CCDC150: variants seen among roughly 807,000 people sequenced by gnomAD.
The protein encoded by CCDC150 is coiled-coil domain-containing protein 150.
A neutral mutation model predicts 156.5 loss-of-function variants in CCDC150; 151 were observed. That is an observed-to-expected ratio of 0.97 (90% confidence interval 0.85 to 1.10). The LOEUF (loss-of-function observed/expected upper bound fraction) is 1.10, where lower values mean the gene tolerates loss of function less well. Among genes scored for constraint, CCDC150 ranks in the 50% least tolerant of loss-of-function variants. The pLI is 0.00. For synonymous variants in CCDC150, 452 were observed against 429.4 expected (o/e 1.05, Z -0.65); for missense variants, 1,312 against 1,268.1 (o/e 1.03, Z -0.53).
At chr2:196,679,237 A>G (rs1425689060) in intron 13 of CCDC150, among the ~76,000 whole-genome samples, 4 of 152,180 alleles carry the variant, frequency 2.6e-5, no homozygotes, top group Non-Finnish European at 5.9e-5. Context: ...GACACATAAA[A>G]TCATGTAACC....
intron 15 of CCDC150, among the ~76,000 whole-genome samples, chr2:196,711,593 A>G (rs1481651229): frequency 6.6e-6 from 1 of 152,194 alleles, no homozygotes. Context: ...CTTTGAAGAG[A>G]GACTTGTGAG....
chr2:196,723,138 C>T (rs946966580), intron 21 of CCDC150, among the ~76,000 whole-genome samples: 9 of 152,204 alleles, frequency 5.9e-5, no homozygotes, highest in Non-Finnish European at 8.8e-5. Flanking sequence ...GGTACAGTTA[C>T]TTAATTTAGA....
chr2:196,696,549 G>T (rs1695842966), intron 14 of CCDC150, among the ~76,000 whole-genome samples: 2 of 152,132 alleles, frequency 1.3e-5, no homozygotes, highest in African/African-American at 4.8e-5. Context: ...CCAGTGATTT[G>T]GTCAGTGTTG....
chr2:196,669,275 T>TC (rs1226486535), intron 7 of CCDC150, among the ~76,000 whole-genome samples: 1 of 152,188 alleles, frequency 6.6e-6, no homozygotes, highest in Non-Finnish European at 1.5e-5. Context: ...CGAAACCTGC[T>TC]CCATGCTGTG....
intron 2 of CCDC150, among the ~76,000 whole-genome samples, chr2:196,646,812 AT>A (rs1274218469): frequency 1.0e-5 from 1 of 96,408 alleles, no homozygotes; most frequent in Non-Finnish European, 2.4e-5. Context: ...ATTTGTTCTC[AT>A]TTTAAAATAA....
intron 14 of CCDC150, among the ~76,000 whole-genome samples, chr2:196,696,321 T>C (rs1198607931): frequency 6.6e-6 from 1 of 152,156 alleles, no homozygotes; most frequent in Non-Finnish European, 1.5e-5. Flanking sequence ...TAAGTGCCTA[T>C]TGGAATGACA....
rs1377078633 is a variant in CCDC150 at position 196,677,229 on chromosome 2, A to T, written c.1441-64A>T. The T allele has an allele frequency of 5.0e-6, 5 of 999,610 alleles. No individual in the cohort carries two copies. The African/African-American group carries it at 8.0e-5, about 16-fold the overall frequency. The allele number at this position is 999,610 out of a possible 1,614,324, so 61.9% of individuals were successfully genotyped here. A position where few individuals can be genotyped will look rare whatever the true frequency, so the allele number is the denominator to read the frequency against. On this transcript the variant is annotated intron_variant, in intron 12 of 27. Transcript: ENST00000389175. ...TTGACATGCAGGATATGTGTGCTAT[A>T]GTGGAGCCTGTCAGCTGCTATAAAA...
At position 196,712,724 on chromosome 2, in the gene CCDC150, T is replaced by C. The variant is rs80183667; in HGVS notation, c.1851T>C (p.Asp617=). 0.015 allele frequency: 24,423 copies of C among 1,610,520 alleles called. 245 individuals carry two copies. Among genetic ancestry groups the C allele is most frequent in the Middle Eastern group, 0.039 (234 of 6,062 alleles). The change falls in exon 17 of 28, where the codon GAT becomes GAC. Residue 617 remains aspartate (D), a synonymous_variant. Transcript: ENST00000389175. ...SAKRVHLQQA[D]AHLKEVKSIL... is the part of the protein sequence containing the mutation. ...AGAGGGTACACCTGCAGCAGGCAGA[T>C]GCTCACCTGAAAGAAGTATTGGTAA...
intron 26 of CCDC150, among the ~76,000 whole-genome samples, chr2:196,731,528 A>G (rs1225953856): frequency 6.6e-6 from 1 of 151,132 alleles, no homozygotes; most frequent in East Asian, 2.0e-4. Flanking sequence ...GTAGCCAAGT[A>G]GCTGGGCATG....
At chr2:196,671,430 T>TG (rs1334047206) in intron 8 of CCDC150, among the ~76,000 whole-genome samples, 1 of 142,322 alleles carries the variant, frequency 7.0e-6, no homozygotes, top group Non-Finnish European at 1.5e-5. Context: ...TCTCTCTCTT[T>TG]TTTTTTTTTT....
intron 13 of CCDC150, among the ~76,000 whole-genome samples, chr2:196,692,441 A>G (rs1695547976): frequency 6.6e-6 from 1 of 152,086 alleles, no homozygotes; most frequent in Admixed American, 6.6e-5. Flanking sequence ...GCCGAGATCT[A>G]ATTTTTTGAT....
chr2:196,692,976 T>C (rs1326001824), intron 13 of CCDC150, among the ~76,000 whole-genome samples: 1 of 152,224 alleles, frequency 6.6e-6, no homozygotes, highest in Non-Finnish European at 1.5e-5. Flanking sequence ...TCTAAGAACT[T>C]GCTTTGTGAA....
intron 13 of CCDC150, among the ~76,000 whole-genome samples, chr2:196,691,811 T>C (rs1156379870): frequency 6.6e-6 from 1 of 152,168 alleles, no homozygotes; most frequent in East Asian, 1.9e-4. Flanking sequence ...CGTGGTGGCA[T>C]GGGCCTGTAG....
intron 13 of CCDC150, among the ~76,000 whole-genome samples, chr2:196,685,097 G>GT (rs1381494685): frequency 2.7e-5 from 4 of 150,678 alleles, no homozygotes; most frequent in Non-Finnish European, 5.9e-5. Flanking sequence ...TTTTTGTTTC[G>GT]TTTTTTGCTT....
chr2:196,712,252 G>T lies in CCDC150; in HGVS notation c.1803G>T (p.Gln601His). Reference sequence around the variant, plus strand: ...AGTATTTACAGACTAAATATGCTCAGGTGTGATTAATATCTACAAAAGCGG... The same window carrying T: ...AGTATTTACAGACTAAATATGCTCATGTGTGATTAATATCTACAAAAGCGG... ...MNKYLQTKYA[Q>H]ANSELSAKRV... is the part of the protein sequence containing the mutation. The change falls in exon 16 of 28, where the codon CAG (glutamine) becomes CAT (histidine). Residue 601 changes from glutamine (Q) to histidine (H), a missense_variant and splice_region_variant. By Grantham distance (24) the Gln-to-His change is conservative. Coordinates refer to ENST00000389175, the MANE Select transcript of CCDC150 (RefSeq NM_001080539.2). 2 of 1,465,994 alleles carry T rather than the reference G, an allele frequency of 1.4e-6. No individual in the cohort carries two copies. Among genetic ancestry groups the T allele is most frequent in the South Asian group, 2.7e-5 (2 of 74,160 alleles). 90.8% of individuals were successfully genotyped at this position (1,465,994 alleles called of 1,614,324 possible). A position where few individuals can be genotyped will look rare whatever the true frequency, so the allele number is the denominator to read the frequency against.
At chr2:196,658,561 A>G (rs1343832074) in intron 4 of CCDC150, among the ~76,000 whole-genome samples, 2 of 152,200 alleles carry the variant, frequency 1.3e-5, no homozygotes, top group East Asian at 3.8e-4. Flanking sequence ...ACTGTTTATG[A>G]TATAAAAGAG....
At chr2:196,657,396 T>C in intron 4 of CCDC150, 9 of 350,790 alleles carry the variant, frequency 2.6e-5, no homozygotes, top group East Asian at 1.2e-4. Context: ...AGGTATGAGA[T>C]AGAGCCTGTG....
intron 15 of CCDC150, among the ~76,000 whole-genome samples, chr2:196,709,996 G>T (rs977398452): frequency 1.3e-5 from 2 of 152,226 alleles, no homozygotes; most frequent in African/African-American, 4.8e-5. Flanking sequence ...CAGTCTGTCT[G>T]TTCTCCGAGC....
rs367659497 is a variant in CCDC150, at chr2:196,712,194, G to C, written c.1745G>C (p.Ser582Thr). ...CAAGTACAGTCTTTTACTGACACCA[G>C]CTTACAGAATGATCATCTACGCAAG... The part of the protein sequence containing the change: ...EEQVQSFTDT[S>T]LQNDHLRKMN... The change falls in exon 16 of 28, where the codon AGC (serine) becomes ACC (threonine). Residue 582 changes from serine to threonine, a missense_variant. Transcript: ENST00000389175. 6.9e-6 allele frequency: 11 copies of C among 1,589,136 alleles called. No homozygotes were observed. In the African/African-American group the frequency reaches 1.5e-4, roughly 21 times the overall value.
Sources: gnomAD v4.1 joint callset for allele counts (sites outside exome capture counted in the v4.1 genomes callset) on GRCh38, gnomAD v4.1.1 for gene constraint, MANE v1.5 for transcripts, NCBI Gene and HGNC (gene_info 2026-07-23, HGNC 2026-07-21) for gene names.